RPTOR: variants seen among roughly 807,000 people sequenced by gnomAD.
RPTOR encodes regulatory associated protein of MTOR complex 1, also known as regulatory-associated protein of mTOR.
A neutral mutation model predicts 169.9 loss-of-function variants in RPTOR; 21 were observed. The ratio of observed to expected loss-of-function variants is 0.12; its 90% CI spans 0.09 to 0.18. The LOEUF (loss-of-function observed/expected upper bound fraction) is 0.18, where lower values mean the gene tolerates loss of function less well. Among genes scored for constraint, RPTOR ranks in the 10% least tolerant of loss-of-function variants. RPTOR has a pLI of 1.00. For missense variants in RPTOR, 1,133 were observed against 1,855.9 expected (o/e 0.61, Z 7.16); for synonymous variants, 732 against 753.2 (o/e 0.97, Z 0.46).
chr17:80,964,228 T>C (rs1598430093), intron 33 of RPTOR, 34 bp from the exon 34 acceptor site: 2 of 976,646 alleles, frequency 2.0e-6, no homozygotes, highest in Non-Finnish European at 3.1e-6. Context: ...TGCCCGCACC[T>C]GAACCCCTGC....
chr17:80,546,945 C>T (rs145670872), intron 1 of RPTOR, among the ~76,000 whole-genome samples: 1 of 151,862 alleles, frequency 6.6e-6, no homozygotes, highest in Non-Finnish European at 1.5e-5. Context: ...GGCAGGTGCC[C>T]GTAATCCCAG....
chr17:80,888,840 G>A (rs748392349), intron 17 of RPTOR, among the ~76,000 whole-genome samples: 6 of 152,250 alleles, frequency 3.9e-5, no homozygotes, highest in Non-Finnish European at 8.8e-5. Flanking sequence ...GAGGGGCTGG[G>A]TGTGAGAGTG....
chr17:80,661,130 C>G (rs141900504), intron 3 of RPTOR, among the ~76,000 whole-genome samples: 1 of 152,190 alleles, frequency 6.6e-6, no homozygotes, highest in Non-Finnish European at 1.5e-5. Flanking sequence ...CCCCTGAGCA[C>G]GGGACCAGGA....
chr17:80,871,535 C>T (rs74473994), intron 13 of RPTOR, among the ~76,000 whole-genome samples: 4 of 152,130 alleles, frequency 2.6e-5, no homozygotes, highest in Non-Finnish European at 5.9e-5. Context: ...TGAGGTCAGG[C>T]GTCCCCCGGG....
chr17:80,811,095 G>A (rs888008802), intron 7 of RPTOR, among the ~76,000 whole-genome samples: 19 of 152,164 alleles, frequency 1.2e-4, no homozygotes, highest in Admixed American at 5.9e-4. Flanking sequence ...GTTGCACTGC[G>A]TAATGTCTCC....
intron 13 of RPTOR, among the ~76,000 whole-genome samples, chr17:80,866,374 C>T (rs2067991144): frequency 6.6e-6 from 1 of 152,054 alleles, no homozygotes; most frequent in African/African-American, 2.4e-5. Context: ...ACCGGAGATC[C>T]CGGCTTCCAC....
rs2066159500 is a variant in RPTOR, at chr17:80,708,602, AGGG to A, written c.507+604_507+606del. Among the ~76,000 whole-genome samples, 1 of 128,034 alleles carries A rather than the reference AGGG, an allele frequency of 7.8e-6. No individual in the cohort carries two copies. The highest frequency in any genetic ancestry group is 3.8e-5 in the African/African-American group (1 of 26,432). 84.0% of individuals were successfully genotyped at this position (128,034 alleles called of 152,430 possible). A position where few individuals can be genotyped will look rare whatever the true frequency, so the allele number is the denominator to read the frequency against. On this transcript the variant is annotated intron_variant, in intron 4 of 33. Transcript: ENST00000306801. The surrounding 1 kb of genome is among the most constrained non-coding windows in gnomAD (Gnocchi z 4.2). ...GTGCTGACTGTTGTCCCCACCCTCCAGGGTGTGGTGGGTGCTGACTGTCTCCTC... is the reference window on the plus strand; with the variant it reads ...GTGCTGACTGTTGTCCCCACCCTCCATGTGGTGGGTGCTGACTGTCTCCTC...
At chr17:80,922,871 G>A in intron 22 of RPTOR, 44 bp downstream of exon 22, 1 of 1,486,660 alleles carries the variant, frequency 6.7e-7, no homozygotes, top group Non-Finnish European at 9.1e-7. Flanking sequence ...GTGGTGACCG[G>A]GGCCCCACGG....
At chr17:80,677,883 A>G (rs2065871762) in intron 3 of RPTOR, among the ~76,000 whole-genome samples, 1 of 152,218 alleles carries the variant, frequency 6.6e-6, no homozygotes, top group African/African-American at 2.4e-5. Flanking sequence ...AGCAGGATTG[A>G]TATCAGTATT....
At chr17:80,781,862 G>T (rs886599216) in intron 6 of RPTOR, among the ~76,000 whole-genome samples, 6 of 152,326 alleles carry the variant, frequency 3.9e-5, no homozygotes, top group African/African-American at 1.4e-4. Context: ...ATTGTGCGTG[G>T]CTTATCTTGG....
intron 30 of RPTOR, among the ~76,000 whole-genome samples, 192 bp from the exon 31 acceptor site, chr17:80,961,202 G>T (rs1041238854): frequency 6.6e-6 from 1 of 152,240 alleles, no homozygotes; most frequent in African/African-American, 2.4e-5. Context: ...GACACAGGGG[G>T]TCTCTGCTGG....
intron 12 of RPTOR, 96 bp from the exon 13 acceptor site, chr17:80,857,694 T>C (rs1278804603): frequency 4.0e-6 from 3 of 755,438 alleles, no homozygotes; most frequent in Non-Finnish European, 6.9e-6. Flanking sequence ...CCATATGTGC[T>C]GAAGATAGCA....
chr17:80,667,335 T>TGTGAGCAGACATTCCAGTGGAAGCCA (rs2065788546), intron 3 of RPTOR, among the ~76,000 whole-genome samples: 3 of 151,984 alleles, frequency 2.0e-5, no homozygotes, highest in Non-Finnish European at 2.9e-5. Context: ...GTGGGCAAAG[T>TGTGAGCAGACATTCCAGTGGAAGCCA]GTGAGCAGAC....
intron 3 of RPTOR, among the ~76,000 whole-genome samples, chr17:80,676,606 G>T (rs184084147): frequency 6.6e-6 from 1 of 152,352 alleles, no homozygotes; most frequent in East Asian, 1.9e-4. Context: ...ATCTGGAGGG[G>T]TCTGCAGGGT....
chr17:80,669,091 G>A (rs1341952498), intron 3 of RPTOR, among the ~76,000 whole-genome samples: 1 of 152,238 alleles, frequency 6.6e-6, no homozygotes, highest in East Asian at 1.9e-4. Context: ...AGTGTGCACC[G>A]AGGGAGGTGG....
chr17:80,960,175 T>G lies in RPTOR; in HGVS notation c.3575T>G (p.Val1192Gly). 6.2e-7 allele frequency: 1 copy of G among 1,613,492 alleles called. No homozygotes were observed. Among genetic ancestry groups the G allele is most frequent in the Non-Finnish European group, 8.5e-7 (1 of 1,179,980 alleles). Residue 1192 changes from valine (V) to glycine (G), a missense_variant, in exon 30 of 34, where the codon GTC becomes GGC. Val to Gly is a moderately radical substitution (Grantham distance 109, BLOSUM62 -3). Transcript: ENST00000306801. The surrounding 1 kb of genome is among the most constrained non-coding windows in gnomAD (Gnocchi z 4.8). ...GGCCTCGGTGACGGCTCCATCCGCGTCTACGACAGAAGGATGGCACTCAGC... is the reference window on the plus strand; with the variant it reads ...GGCCTCGGTGACGGCTCCATCCGCGGCTACGACAGAAGGATGGCACTCAGC... ...VAGLGDGSIR[V>G]YDRRMALSEC...
intron 11 of RPTOR, among the ~76,000 whole-genome samples, chr17:80,849,209 C>G (rs570724733): frequency 6.6e-6 from 1 of 152,342 alleles, no homozygotes; most frequent in Admixed American, 6.5e-5. Flanking sequence ...AAATTATTCT[C>G]TAGTGCCTTG....
chr17:80,642,734 A>G (rs1468237792), intron 2 of RPTOR, among the ~76,000 whole-genome samples: 2 of 152,216 alleles, frequency 1.3e-5, no homozygotes, highest in African/African-American at 4.8e-5. Context: ...TGTAGTATCA[A>G]ACAAAAAGAG....
intron 1 of RPTOR, among the ~76,000 whole-genome samples, chr17:80,582,205 C>T (rs1171944951): frequency 6.6e-6 from 1 of 152,188 alleles, no homozygotes; most frequent in African/African-American, 2.4e-5. Flanking sequence ...AGCGTGGTTA[C>T]TAGGTGGACC....
Sources: gnomAD v4.1 joint callset for allele counts (sites outside exome capture counted in the v4.1 genomes callset) on GRCh38, gnomAD v4.1.1 for gene constraint, Gnocchi (gnomAD v3.1) non-coding constraint, MANE v1.5 for transcripts, NCBI Gene and HGNC (gene_info 2026-07-23, HGNC 2026-07-21) for gene names.